Variants in GRK7 observed in about 807,000 individuals in gnomAD.
The protein encoded by GRK7 is rhodopsin kinase GRK7.
A neutral mutation model predicts 34.1 loss-of-function variants in GRK7; 24 were observed. That is an observed-to-expected ratio of 0.70 (90% CI 0.51 to 0.99). GRK7 has a LOEUF of 0.99. GRK7 is among the 50% of genes least tolerant of loss of function. The pLI is 0.00. For synonymous variants in GRK7, 256 were observed against 279.4 expected (o/e 0.92, Z 0.84); for missense variants, 644 against 707.3 (o/e 0.91, Z 1.02).
At chr3:141,775,301 C>T (rs938589148) in intron 2 of GRK7, among the ~76,000 whole-genome samples, 3 of 151,986 alleles carry the variant, frequency 2.0e-5, no homozygotes, top group Admixed American at 6.6e-5. Flanking sequence ...TTGGGAGACT[C>T]GCTTGAGCCC....
Position 141,778,306 on chromosome 3 carries a change from G to T in GRK7, c.22G>T (p.Asp8Tyr). The change falls in exon 3 of 6, where the codon GAC becomes TAC. Residue 8 changes from aspartate (D) to tyrosine (Y), a missense_variant. Physicochemically the swap from Asp to Tyr is radical, Grantham distance 160 (BLOSUM62 -3). Coordinates refer to ENST00000682958, the MANE Select transcript of GRK7 (RefSeq NM_139209.3). The surrounding 1 kb of genome is among the most constrained non-coding windows in gnomAD (Gnocchi z 4.1). MVDMGAL[D>Y]NLIANTAYLQ... Reference sequence around the variant, plus strand: ...AGCCATGGTGGACATGGGGGCCCTGGACAACCTGATCGCCAACACCGCCTA... The same window carrying T: ...AGCCATGGTGGACATGGGGGCCCTGTACAACCTGATCGCCAACACCGCCTA... 6.3e-7 allele frequency: 1 copy of T among 1,584,646 alleles called. No homozygotes were observed. Among genetic ancestry groups the T allele is most frequent in the Admixed American group, 1.7e-5 (1 of 57,750 alleles).
intron 1 of GRK7, among the ~76,000 whole-genome samples, chr3:141,768,300 C>T (rs1264603496): frequency 1.4e-5 from 2 of 147,894 alleles, no homozygotes; most frequent in Non-Finnish European, 3.0e-5. Context: ...GACGGAGTCT[C>T]GCTCTCTTCC....
At chr3:141,771,481 A>T (rs1394718802) in intron 1 of GRK7, among the ~76,000 whole-genome samples, 2 of 135,270 alleles carry the variant, frequency 1.5e-5, no homozygotes, top group Non-Finnish European at 3.2e-5. Flanking sequence ...GAGCAGGGGT[A>T]AGGGATAAGA....
chr3:141,807,966 A>G (rs772820959), intron 5 of GRK7, 47 bp downstream of exon 5: 4 of 1,494,424 alleles, frequency 2.7e-6, no homozygotes, highest in South Asian at 1.4e-5. Context: ...AGTATTGTCC[A>G]CAGGGATTAG....
intron 3 of GRK7, among the ~76,000 whole-genome samples, chr3:141,780,046 G>A (rs1202578462): frequency 6.6e-6 from 1 of 152,138 alleles, no homozygotes; most frequent in African/African-American, 2.4e-5. Flanking sequence ...GAATTGCTAG[G>A]GCATATGGTG....
At chr3:141,798,860 C>T (rs1212128312) in intron 4 of GRK7, among the ~76,000 whole-genome samples, 1 of 152,224 alleles carries the variant, frequency 6.6e-6, no homozygotes, top group Non-Finnish European at 1.5e-5. Context: ...TTCAAAGCTC[C>T]ATGGCTGACA....
intron 5 of GRK7, among the ~76,000 whole-genome samples, chr3:141,810,174 T>C (rs745526703): frequency 6.6e-6 from 1 of 152,098 alleles, no homozygotes; most frequent in Non-Finnish European, 1.5e-5. Flanking sequence ...GGAGTCAAAC[T>C]GCAATCCTTC....
At chr3:141,768,370 C>T (rs186637587) in intron 1 of GRK7, among the ~76,000 whole-genome samples, 8 of 152,048 alleles carry the variant, frequency 5.3e-5, no homozygotes, top group South Asian at 2.1e-4. Context: ...CTCCGCCTCC[C>T]GGGTTCCAGT....
At position 141,778,399 on chromosome 3, in the gene GRK7, C is replaced by G. The variant is rs747391734; in HGVS notation, c.115C>G (p.Leu39Val). Residue 39 changes from leucine to valine, a missense_variant, in exon 3 of 6, where the codon CTG becomes GTG. Coordinates refer to ENST00000682958, the MANE Select transcript of GRK7 (RefSeq NM_139209.3). This position sits in a 1 kb window ranked among gnomAD's most constrained non-coding sequence, Gnocchi z 4.1. Reference sequence around the variant, plus strand: ...GCAGCGGCGGCGGCGTAGCCTGGCCCTGCCCGGGCTGCAGGGCTGCGCGGA... The same window carrying G: ...GCAGCGGCGGCGGCGTAGCCTGGCCGTGCCCGGGCTGCAGGGCTGCGCGGA... ...ELQRRRRSLA[L>V]PGLQGCAELR... The G allele has an allele frequency of 6.2e-7, 1 of 1,612,522 alleles. No homozygotes were observed. Among genetic ancestry groups the G allele is most frequent in the South Asian group, 1.1e-5 (1 of 91,028 alleles).
In GRK7 at chr3:141,818,501, C is replaced by T. The variant is rs554826241; in HGVS notation, c.*1451C>T. ...TATCTCAAAAAAAAACAAAACAAAA[C>T]AAAACAAAAAAAACAGAAAAGAAAT... On this transcript the variant is annotated 3_prime_UTR_variant, in exon 6 of 6. Coordinates refer to ENST00000682958, the MANE Select transcript of GRK7 (RefSeq NM_139209.3). The T allele has an allele frequency of 6.6e-6, 1 of 151,832 alleles. No individual in the cohort carries two copies. The highest frequency in any genetic ancestry group is 2.1e-4 in the South Asian group (1 of 4,798). 9.4% of individuals were successfully genotyped at this position (151,832 alleles called of 1,614,324 possible).
chr3:141,775,174 C>T (rs1028736338), intron 2 of GRK7, among the ~76,000 whole-genome samples: 12 of 152,116 alleles, frequency 7.9e-5, no homozygotes, highest in South Asian at 6.2e-4. Flanking sequence ...CCAAGGAGGG[C>T]GGATCACTTG....
chr3:141,815,230 T>TG (rs1559849421), intron 5 of GRK7, among the ~76,000 whole-genome samples: 5 of 84,846 alleles, frequency 5.9e-5, no homozygotes, highest in African/African-American at 2.6e-4. Flanking sequence ...TGGTTGGTTT[T>TG]TTTTGTTTGT....
chr3:141,810,708 G>T (rs1424899331), intron 5 of GRK7, among the ~76,000 whole-genome samples: 1 of 151,936 alleles, frequency 6.6e-6, no homozygotes, highest in East Asian at 1.9e-4. Context: ...GTAGAGACGG[G>T]GTTTCACCAT....
chr3:141,759,190 A>G (rs1365287611), upstream of GRK7, among the ~76,000 whole-genome samples: 2 of 130,610 alleles, frequency 1.5e-5, no homozygotes, highest in African/African-American at 2.8e-5. Flanking sequence ...TTCCAACACT[A>G]TGTTGAATAG....
intron 4 of GRK7, among the ~76,000 whole-genome samples, chr3:141,807,266 A>T (rs1044834778): frequency 2.6e-5 from 4 of 152,216 alleles, no homozygotes; most frequent in Non-Finnish European, 2.9e-5. Flanking sequence ...GTGAATTTTT[A>T]AAAAAGCAGA....
intron 4 of GRK7, among the ~76,000 whole-genome samples, chr3:141,803,523 C>G (rs546178649): frequency 6.6e-6 from 1 of 152,270 alleles, no homozygotes; most frequent in East Asian, 1.9e-4. Flanking sequence ...ATCCCATATC[C>G]TTCAGCAGTC....
rs1711158370 is a variant in GRK7 at position 141,816,791 on chromosome 3, A to G, written c.1403A>G (p.Glu468Gly). 1.0e-5 allele frequency: 16 copies of G among 1,597,726 alleles called. No homozygotes were observed. The highest frequency in any genetic ancestry group is 1.4e-5 in the Non-Finnish European group (16 of 1,170,082). The change falls in exon 6 of 6, where the codon GAA becomes GGA. Residue 468 changes from glutamate to glycine, a missense_variant. Glu to Gly is a moderately conservative substitution (Grantham distance 98). Transcript: ENST00000682958. ...NFPRLEAGLI[E>G]PPFVPDPSVV... ...CCTCGCCTGGAAGCTGGCCTAATTG[A>G]ACCCCCATTTGTGCCAGACCCTTCA...
chr3:141,805,074 A>G (rs76264252), intron 4 of GRK7, among the ~76,000 whole-genome samples: 2 of 134,018 alleles, frequency 1.5e-5, no homozygotes, highest in South Asian at 2.5e-4. Context: ...ACACACACAC[A>G]CACGCACATA....
In GRK7 at chr3:141,780,784, G is replaced by A. The variant is rs1461317727; in HGVS notation, c.1023G>A (p.Met341Ile). The A allele has an allele frequency of 6.2e-7, 1 of 1,613,958 alleles. No individual in the cohort carries two copies. Among genetic ancestry groups the A allele is most frequent in the Non-Finnish European group, 8.5e-7 (1 of 1,179,938 alleles). ...CTGACCTGGGGCTGGCCGTGGAGAT[G>A]AAGGGTGGCAAGCCCATCACCCAGA... is the stretch of plus-strand genomic sequence containing the variant. Reference protein sequence around the residue: ...RLSDLGLAVEMKGGKPITQRA... With the variant: ...RLSDLGLAVEIKGGKPITQRA... Residue 341 changes from methionine to isoleucine, a missense_variant, in exon 4 of 6, where the codon ATG becomes ATA. Met to Ile is a conservative substitution (Grantham distance 10, BLOSUM62 1). Coordinates refer to ENST00000682958, the MANE Select transcript of GRK7 (RefSeq NM_139209.3).
Sources: allele counts gnomAD v4.1 joint callset (sites outside exome capture counted in the v4.1 genomes callset), GRCh38; gene constraint gnomAD v4.1.1; non-coding constraint Gnocchi (gnomAD v3.1); transcripts MANE v1.5; gene names NCBI Gene and HGNC (gene_info 2026-07-23, HGNC 2026-07-21).